Variants in ZNF682 observed in about 807,000 individuals in gnomAD.
ZNF682 encodes zinc finger protein 682.
ZNF682 carries 29 observed loss-of-function variants against 36.5 expected under a neutral mutation model. The ratio of observed to expected loss-of-function variants is 0.80; its 90% CI spans 0.59 to 1.08. The LOEUF is 1.08. Ranked by LOEUF, ZNF682 falls within the 50% of genes least tolerant of loss-of-function variation. The probability of loss-of-function intolerance (pLI) is 0.00; values close to 1 mark genes in which losing one functional copy is unlikely to be tolerated. For missense variants in ZNF682, 561 were observed against 579.7 expected (o/e 0.97, Z 0.33); for synonymous variants, 180 against 197.0 (o/e 0.91, Z 0.72).
intron 1 of ZNF682, among the ~76,000 whole-genome samples, chr19:20,031,738 C>G (rs2088481574): frequency 6.6e-6 from 1 of 152,120 alleles, no homozygotes; most frequent in South Asian, 2.1e-4. Context: ...GTCAGGAGAT[C>G]AAGACCATCC....
intron 1 of ZNF682, 119 bp downstream of exon 1, chr19:20,039,224 A>C: frequency 6.7e-7 from 1 of 1,495,402 alleles, no homozygotes; most frequent in African/African-American, 1.4e-5. Flanking sequence ...CCTGCCGGGG[A>C]CTCCAGTCCG....
At chr19:19,999,786 C>T (rs765362212), downstream of ZNF682, among the ~76,000 whole-genome samples, 3 of 152,300 alleles carry the variant, frequency 2.0e-5, no homozygotes, top group Admixed American at 1.3e-4. Context: ...CCGCCTGCCT[C>T]GGCCTCCCAA....
chr19:20,039,433 C>CG lies in ZNF682; in HGVS notation c.-89dup. Reference sequence around the variant, plus strand: ...GGGCAACAGAGGCTGCGACAGTCACCGGGAACTACTAGAGCAGAGGATACT... The same window carrying CG: ...GGGCAACAGAGGCTGCGACAGTCACCGGGGAACTACTAGAGCAGAGGATACT... On this transcript the variant is annotated 5_prime_UTR_variant, in exon 1 of 4. Transcript: ENST00000397165. The CG allele has an allele frequency of 6.3e-7, 1 of 1,574,880 alleles. No homozygotes were observed. Among genetic ancestry groups the CG allele is most frequent in the Non-Finnish European group, 8.7e-7 (1 of 1,155,466 alleles).
chr19:20,007,515 G>A (rs1444843926), intron 3 of ZNF682: 6 of 422,332 alleles, frequency 1.4e-5, no homozygotes, highest in African/African-American at 1.0e-4. Flanking sequence ...AGAGGAAGAT[G>A]GGAAGCTTGC....
At chr19:20,015,501 T>C in intron 3 of ZNF682, 2 of 845,184 alleles carry the variant, frequency 2.4e-6, no homozygotes, top group Non-Finnish European at 2.8e-6. Context: ...GAATGTCAAA[T>C]GGCCTATTAT....
intron 1 of ZNF682, among the ~76,000 whole-genome samples, chr19:20,032,573 TTACATGTTTATATCA>T (rs1185798647): frequency 3.9e-5 from 6 of 152,184 alleles, no homozygotes. Flanking sequence ...GATGGGTACC[TTACATGTTTATATCA>T]TACCTGGTCA....
In ZNF682 at chr19:20,006,440, T is replaced by C. The variant is rs768665693; in HGVS notation, c.1062A>G (p.Ser354=). 6 of 1,613,806 alleles carry C rather than the reference T, an allele frequency of 3.7e-6. No homozygotes were observed. Among genetic ancestry groups the C allele is most frequent in the Non-Finnish European group, 5.1e-6 (6 of 1,179,974 alleles). The change falls in exon 4 of 4, where the codon TCA becomes TCG. Residue 354 remains serine (S), a synonymous_variant. Transcript: ENST00000397165. ...GAATTACCTTATGTTCAGTAAGAAT[T>C]GATGATGAGTTAAAAGCTTTGCCAC... ...EECGKAFNSS[S]ILTEHKVIHS...
chr19:20,002,249 A>ATT (rs10610980), downstream of ZNF682, among the ~76,000 whole-genome samples: 2 of 127,366 alleles, frequency 1.6e-5, no homozygotes, highest in South Asian at 2.6e-4. Flanking sequence ...CCCCTGGCTA[A>ATT]TTTTTTTTTT....
Position 20,039,495 on chromosome 19 carries a change from G to A in ZNF682, c.-150C>T, listed in dbSNP as rs925403414. On this transcript the variant is annotated 5_prime_UTR_variant, in exon 1 of 4. Transcript: ENST00000397165. The stretch of plus-strand genomic sequence containing the variant: ...ATGGACCCTGAGCTCTGGCTGGAGC[G>A]AGACAAAGGCCCCGCCAGCTCCAGG... The A allele has an allele frequency of 2.8e-6, 3 of 1,077,866 alleles. No individual in the cohort carries two copies. Among genetic ancestry groups the A allele is most frequent in the Non-Finnish European group, 3.9e-6 (3 of 764,818 alleles). The allele number at this position is 1,077,866 out of a possible 1,614,324, so 66.8% of individuals were successfully genotyped here.
chr19:19,995,351 C>T (rs368551762), downstream of ZNF682, among the ~76,000 whole-genome samples: 21 of 151,050 alleles, frequency 1.4e-4, no homozygotes, highest in Admixed American at 2.6e-4. Context: ...CACTCATCCG[C>T]GCACAGATGA....
intron 1 of ZNF682, among the ~76,000 whole-genome samples, chr19:20,027,474 T>TG (rs2088441241): frequency 6.6e-6 from 1 of 152,124 alleles, no homozygotes; most frequent in South Asian, 2.1e-4. Flanking sequence ...AAACAAAGCC[T>TG]GGGGGCTAGG....
intron 3 of ZNF682, among the ~76,000 whole-genome samples, chr19:20,009,201 A>C (rs1360791600): frequency 6.6e-6 from 1 of 152,190 alleles, no homozygotes; most frequent in African/African-American, 2.4e-5. Context: ...TAAAAGTTGA[A>C]AATTTTACTA....
At chr19:20,032,849 T>C (rs899620253) in intron 1 of ZNF682, among the ~76,000 whole-genome samples, 4 of 152,182 alleles carry the variant, frequency 2.6e-5, no homozygotes, top group East Asian at 1.9e-4. Context: ...CACCTGGGAA[T>C]TGGGGAGGTC....
downstream of ZNF682, among the ~76,000 whole-genome samples, chr19:20,000,864 ACTC>A (rs1301003910): frequency 2.0e-5 from 3 of 152,092 alleles, no homozygotes; most frequent in Non-Finnish European, 4.4e-5. Context: ...GATGAGTCTA[ACTC>A]CTCCATCTCT....
intron 3 of ZNF682, among the ~76,000 whole-genome samples, chr19:20,018,078 CTTTTTTTTTTTTTTTTTTTT>C (rs71172554): frequency 1.7e-5 from 1 of 58,676 alleles, no homozygotes; most frequent in African/African-American, 7.4e-5. Context: ...TTCTCAAATT[CTTTTTTTTTTTTTTTTTTTT>C]TTTTTTTTTT....
chr19:19,996,723 TTAC>T (rs1225657830), downstream of ZNF682, among the ~76,000 whole-genome samples: 1 of 152,080 alleles, frequency 6.6e-6, no homozygotes, highest in Non-Finnish European at 1.5e-5. Flanking sequence ...TGGGTAGTGT[TTAC>T]TGCTCAGATG....
In ZNF682 at chr19:20,006,840, C is replaced by A; in HGVS notation, c.662G>T (p.Arg221Ile). Reference sequence around the variant, plus strand: ...GTATGGTTTCTCTCCAGTGTGAATTCTCTTATGTTTAGTAAGGTATGAGAA... The same window carrying A: ...GTATGGTTTCTCTCCAGTGTGAATTATCTTATGTTTAGTAAGGTATGAGAA... The part of the protein sequence containing the change: ...KWFSYLTKHK[R>I]IHTGEKPYKC... Residue 221 changes from arginine (R) to isoleucine (I), a missense_variant, in exon 4 of 4, where the codon AGA (arginine) becomes ATA (isoleucine). Arg to Ile is a moderately conservative substitution (Grantham distance 97). Transcript: ENST00000397165. 1 of 1,614,038 alleles carries A rather than the reference C, an allele frequency of 6.2e-7. No homozygotes were observed. The highest frequency in any genetic ancestry group is 8.5e-7 in the Non-Finnish European group (1 of 1,179,956).
chr19:20,012,153 A>T (rs939324996), intron 3 of ZNF682, among the ~76,000 whole-genome samples: 2 of 152,242 alleles, frequency 1.3e-5, no homozygotes, highest in African/African-American at 4.8e-5. Flanking sequence ...TCAAGTTAAC[A>T]ACCTGATACC....
downstream of ZNF682, among the ~76,000 whole-genome samples, chr19:20,001,774 G>A (rs2088169516): frequency 6.6e-6 from 1 of 152,162 alleles, no homozygotes; most frequent in South Asian, 2.1e-4. Context: ...CTTCTCTTGT[G>A]CTTCTGTCTT....
Sources: gnomAD v4.1 joint callset for allele counts (sites outside exome capture counted in the v4.1 genomes callset) on GRCh38, gnomAD v4.1.1 for gene constraint, MANE v1.5 for transcripts, NCBI Gene and HGNC (gene_info 2026-07-23, HGNC 2026-07-21) for gene names.